Variants in PTPRR observed in about 807,000 individuals in gnomAD.
PTPRR encodes the protein receptor-type tyrosine-protein phosphatase R.
A neutral mutation model predicts 77.2 loss-of-function variants in PTPRR; 38 were observed. That is an observed-to-expected ratio of 0.49 (90% CI 0.38 to 0.65). The LOEUF is 0.65. Among genes scored for constraint, PTPRR ranks in the 30% least tolerant of loss-of-function variants. The probability of loss-of-function intolerance (pLI) is 0.00; values close to 1 mark genes in which losing one functional copy is unlikely to be tolerated. For missense variants in PTPRR, 744 were observed against 799.2 expected (o/e 0.93, Z 0.83); for synonymous variants, 299 against 283.1 (o/e 1.06, Z -0.57).
At chr12:70,882,581 A>G (rs537836729) in intron 2 of PTPRR, among the ~76,000 whole-genome samples, 101 of 152,320 alleles carry the variant, frequency 6.6e-4, no homozygotes, top group Admixed American at 1.2e-3. Flanking sequence ...TTATTCTCCC[A>G]TAGTGACTGG....
At position 70,684,242 on chromosome 12, in the gene PTPRR, G is replaced by C. The variant is rs1477305022; in HGVS notation, c.1382C>G (p.Ala461Gly). ...YIRGYSGKEK[A>G]FIATQGPMIN... The stretch of plus-strand genomic sequence containing the variant: ...CATGGGGCCCTGCGTGGCAATGAAG[G>C]CTTTCTCCTTGCCACTGTAGCCCTA... Residue 461 changes from alanine to glycine, a missense_variant, in exon 10 of 14, where the codon GCC (alanine) becomes GGC (glycine). By Grantham distance (60) the Ala-to-Gly change is moderately conservative. Around this residue, in one of 3 missense-constraint regions of PTPRR, gnomAD observed 570 missense variants for 573.2 expected, o/e 0.99. Transcript: ENST00000283228. 9 of 1,613,146 alleles carry C rather than the reference G, an allele frequency of 5.6e-6. No individual in the cohort carries two copies. The highest frequency in any genetic ancestry group is 2.2e-5 in the East Asian group (1 of 44,858).
At chr12:70,727,473 G>A (rs1214560041) in intron 6 of PTPRR, among the ~76,000 whole-genome samples, 1 of 152,106 alleles carries the variant, frequency 6.6e-6, no homozygotes, top group Non-Finnish European at 1.5e-5. Flanking sequence ...GAGTTAATTT[G>A]TTAAAAAATT....
chr12:70,918,770 A>T (rs2137143814), intron 1 of PTPRR, among the ~76,000 whole-genome samples: 1 of 152,334 alleles, frequency 6.6e-6, no homozygotes, highest in Non-Finnish European at 1.5e-5. Flanking sequence ...CTTAGTAAGA[A>T]TTGAGATTTT....
At chr12:70,763,892 A>G (rs1308729892) in intron 3 of PTPRR, among the ~76,000 whole-genome samples, 1 of 152,154 alleles carries the variant, frequency 6.6e-6, no homozygotes, top group East Asian at 1.9e-4. Flanking sequence ...AGATGGGAAC[A>G]TGTAGTTGCA....
chr12:70,743,363 G>A (rs1565677548), intron 6 of PTPRR, among the ~76,000 whole-genome samples: 1 of 152,178 alleles, frequency 6.6e-6, no homozygotes, highest in African/African-American at 2.4e-5. Context: ...AAAGGTGGGA[G>A]AAGAACAATG....
chr12:70,756,655 G>A (rs1464271602), intron 4 of PTPRR, among the ~76,000 whole-genome samples: 1 of 152,122 alleles, frequency 6.6e-6, no homozygotes, highest in Non-Finnish European at 1.5e-5. Context: ...AGTGAAAGAA[G>A]CTGATGGGTT....
intron 2 of PTPRR, among the ~76,000 whole-genome samples, chr12:70,886,378 A>G (rs1036889695): frequency 6.6e-6 from 1 of 152,264 alleles, no homozygotes; most frequent in Admixed American, 6.5e-5. Flanking sequence ...CATTAAGTTA[A>G]GAGCAGAACA....
At chr12:70,797,450 C>T (rs1023591621) in intron 2 of PTPRR, among the ~76,000 whole-genome samples, 3 of 152,174 alleles carry the variant, frequency 2.0e-5, no homozygotes, top group African/African-American at 7.2e-5. Flanking sequence ...GAAAATTAAA[C>T]CTTCATAGAT....
chr12:70,717,095 C>G (rs1157488116), intron 6 of PTPRR, among the ~76,000 whole-genome samples: 2 of 152,152 alleles, frequency 1.3e-5, no homozygotes. Context: ...CTCTAACATA[C>G]TATTCTTCCT....
intron 2 of PTPRR, among the ~76,000 whole-genome samples, chr12:70,870,771 T>C (rs1418427772): frequency 1.3e-5 from 2 of 152,232 alleles, no homozygotes; most frequent in African/African-American, 4.8e-5. Context: ...TGTGTGCTTG[T>C]GGCATTCAGC....
At chr12:70,690,363 C>T (rs1888013701) in intron 8 of PTPRR, among the ~76,000 whole-genome samples, 1 of 152,190 alleles carries the variant, frequency 6.6e-6, no homozygotes, top group Non-Finnish European at 1.5e-5. Context: ...AGAATAGGTA[C>T]ATCCCAAACA....
At position 70,855,805 on chromosome 12, in the gene PTPRR, C is replaced by A. The variant is rs151242408; in HGVS notation, c.357+36874G>T. Among the ~76,000 whole-genome samples, 363 of 152,258 alleles carry A rather than the reference C, an allele frequency of 2.4e-3. 2 individuals carry two copies. Among genetic ancestry groups the A allele is most frequent in the Middle Eastern group, 0.01 (3 of 294 alleles). On this transcript the variant is annotated intron_variant, in intron 2 of 13. Transcript: ENST00000283228. The stretch of plus-strand genomic sequence containing the variant: ...TTTAGGCCAAATTGCATTTAAACAA[C>A]AAAGCACTGCTTGAAAACCTGCATA...
At chr12:70,814,778 C>A (rs190014717) in intron 2 of PTPRR, among the ~76,000 whole-genome samples, 1 of 152,252 alleles carries the variant, frequency 6.6e-6, no homozygotes, top group East Asian at 1.9e-4. Flanking sequence ...TTCCACCTAG[C>A]AAAGTTTAAT....
At chr12:70,657,490 T>G (rs1452371271) in intron 12 of PTPRR, among the ~76,000 whole-genome samples, 1 of 152,192 alleles carries the variant, frequency 6.6e-6, no homozygotes, top group Non-Finnish European at 1.5e-5. Flanking sequence ...GTCCATAAAA[T>G]CAACCTCACA....
At chr12:70,853,774 T>C (rs1472199193) in intron 2 of PTPRR, among the ~76,000 whole-genome samples, 2 of 152,134 alleles carry the variant, frequency 1.3e-5, no homozygotes, top group Non-Finnish European at 2.9e-5. Context: ...ATGTCCCCGC[T>C]CCGCCTCCCG....
intron 8 of PTPRR, among the ~76,000 whole-genome samples, chr12:70,692,875 G>A (rs1489870385): frequency 6.6e-6 from 1 of 152,136 alleles, no homozygotes; most frequent in African/African-American, 2.4e-5. Flanking sequence ...CCTCAATGGA[G>A]TGTGGTGAGC....
At chr12:70,897,662 C>A (rs1264234292) in intron 1 of PTPRR, among the ~76,000 whole-genome samples, 4 of 152,010 alleles carry the variant, frequency 2.6e-5, no homozygotes, top group Non-Finnish European at 4.4e-5. Flanking sequence ...TGGGTATGTA[C>A]CCAAAGGATT....
intron 6 of PTPRR, among the ~76,000 whole-genome samples, chr12:70,730,197 G>T (rs1889602949): frequency 6.6e-6 from 1 of 152,002 alleles, no homozygotes; most frequent in African/African-American, 2.4e-5. Flanking sequence ...CCACCTGCAG[G>T]TCATATATGG....
At chr12:70,733,427 C>CAACAAAAAAAAAAAAAAAAAAAAA (rs1555171072) in intron 6 of PTPRR, among the ~76,000 whole-genome samples, 1 of 27,056 alleles carries the variant, frequency 3.7e-5, no homozygotes, top group Non-Finnish European at 7.9e-5. Flanking sequence ...CAAACAACAA[C>CAACAAAAAAAAAAAAAAAAAAAAA]AAAAAAAAAA....
Sources: allele counts gnomAD v4.1 joint callset (sites outside exome capture counted in the v4.1 genomes callset), GRCh38; gene constraint gnomAD v4.1.1; regional missense constraint gnomAD v4.1.1; transcripts MANE v1.5; gene names NCBI Gene and HGNC (gene_info 2026-07-23, HGNC 2026-07-21).